The following XKR4 variants were observed in gnomAD, a reference collection of about 807,000 sequenced individuals.
XKR4 encodes XK related 4.
A neutral mutation model predicts 53.9 loss-of-function variants in XKR4; 12 were observed. The observed-to-expected ratio is 0.22, with a 90% confidence interval of 0.14 to 0.36. The LOEUF is 0.36. XKR4 is among the 10% of genes least tolerant of loss of function. The probability of loss-of-function intolerance (pLI) is 1.00; values close to 1 mark genes in which losing one functional copy is unlikely to be tolerated. For missense variants in XKR4, 799 were observed against 859.5 expected (o/e 0.93, Z 0.88); for synonymous variants, 354 against 362.4 (o/e 0.98, Z 0.26).
intron 2 of XKR4, among the ~76,000 whole-genome samples, chr8:55,379,497 T>A (rs913415960): frequency 3.9e-5 from 6 of 152,260 alleles, no homozygotes; most frequent in African/African-American, 1.4e-4. Flanking sequence ...GCAGAATGCC[T>A]ACTGTGGGCA....
At chr8:55,486,799 AC>A (rs1300567486) in intron 2 of XKR4, among the ~76,000 whole-genome samples, 2 of 152,186 alleles carry the variant, frequency 1.3e-5, no homozygotes, top group Non-Finnish European at 2.9e-5. Flanking sequence ...TAGCTTTTAA[AC>A]TTTTATCTTT....
chr8:55,382,126 A>T (rs1476584512), intron 2 of XKR4, among the ~76,000 whole-genome samples: 2 of 152,194 alleles, frequency 1.3e-5, no homozygotes, highest in East Asian at 1.9e-4. Context: ...CCTTTGTCAA[A>T]TTTTCCCATT....
intron 1 of XKR4, among the ~76,000 whole-genome samples, chr8:55,142,949 C>T (rs999079599): frequency 6.6e-6 from 1 of 152,194 alleles, no homozygotes; most frequent in African/African-American, 2.4e-5. Flanking sequence ...TTGTGGGTGA[C>T]CATGAGCATG....
rs574692308 is a variant in XKR4, at chr8:55,455,092, G to T, written c.1007-68189G>T. On this transcript the variant is annotated intron_variant, in intron 2 of 2. Coordinates refer to ENST00000327381, the MANE Select transcript of XKR4 (RefSeq NM_052898.2). ...CCTGGCCTTTCCCACTCCCGCGCGG[G>T]TGCGGCCTGAATGCCACCAGCAGGA... 2.7e-4 allele frequency: 184 copies of T among 673,942 alleles called. 1 individual carries two copies. In the African/African-American group the frequency reaches 2.8e-3, roughly 10 times the overall value. The allele number at this position is 673,942 out of a possible 1,614,324, so 41.7% of individuals were successfully genotyped here. A position where few individuals can be genotyped will look rare whatever the true frequency, so the allele number is the denominator to read the frequency against.
chr8:55,487,359 A>G (rs1716588496), intron 2 of XKR4, among the ~76,000 whole-genome samples: 1 of 152,188 alleles, frequency 6.6e-6, no homozygotes, highest in Admixed American at 6.5e-5. Context: ...AATTCAGGGC[A>G]GGTCTTTCTC....
chr8:55,111,305 A>G (rs554178805), intron 1 of XKR4, among the ~76,000 whole-genome samples: 7 of 152,236 alleles, frequency 4.6e-5, no homozygotes, highest in Non-Finnish European at 7.4e-5. Flanking sequence ...GTTAAAAATA[A>G]TATCCTAGGT....
At chr8:55,283,876 A>G (rs1818872327) in intron 1 of XKR4, among the ~76,000 whole-genome samples, 1 of 152,212 alleles carries the variant, frequency 6.6e-6, no homozygotes, top group Non-Finnish European at 1.5e-5. Context: ...TTACCAAGAA[A>G]GAGCAAGTGG....
chr8:55,453,916 G>A, intron 2 of XKR4: 1 of 631,006 alleles, frequency 1.6e-6, no homozygotes, highest in South Asian at 1.5e-5. Flanking sequence ...CAAAGGCCAT[G>A]CCCTCCAGCA....
In XKR4 at chr8:55,162,804, G is replaced by T. The variant is rs144910436; in HGVS notation, c.806+59510G>T. Among the ~76,000 whole-genome samples the T allele has an allele frequency of 2.1e-3, 320 of 152,094 alleles. 1 individual carries two copies. The highest frequency in any genetic ancestry group is 7.2e-3 in the African/African-American group (299 of 41,498). On this transcript the variant is annotated intron_variant, in intron 1 of 2. Coordinates refer to ENST00000327381, the MANE Select transcript of XKR4 (RefSeq NM_052898.2). ...TTAGAAATGTCCAAAGTCTATGCTA[G>T]GTTCTTTTTTCTAATGAAAAAAACT... is the stretch of plus-strand genomic sequence containing the variant.
chr8:55,306,754 A>G (rs1819306806), intron 1 of XKR4, among the ~76,000 whole-genome samples: 1 of 152,184 alleles, frequency 6.6e-6, no homozygotes, highest in Non-Finnish European at 1.5e-5. Context: ...ATCACATGGT[A>G]TAAAAGGTAA....
intron 1 of XKR4, among the ~76,000 whole-genome samples, chr8:55,309,070 T>C (rs1044982981): frequency 3.3e-5 from 5 of 152,190 alleles, no homozygotes; most frequent in Non-Finnish European, 7.3e-5. Context: ...GGCAAGGGAA[T>C]GGATTCCTCC....
At chr8:55,153,638 A>G (rs1025708068) in intron 1 of XKR4, among the ~76,000 whole-genome samples, 2 of 152,216 alleles carry the variant, frequency 1.3e-5, no homozygotes, top group African/African-American at 2.4e-5. Flanking sequence ...TTCCAATACA[A>G]AAGTAACATG....
intron 1 of XKR4, chr8:55,140,148 TG>T: frequency 2.3e-6 from 1 of 438,012 alleles, no homozygotes; most frequent in South Asian, 1.7e-5. Flanking sequence ...CAGTTATTCC[TG>T]GGTTGGTATC....
chr8:55,493,552 C>T (rs1806300558), intron 2 of XKR4, among the ~76,000 whole-genome samples: 1 of 152,194 alleles, frequency 6.6e-6, no homozygotes. Context: ...GCCACAGTGG[C>T]TTAGGGAAGA....
chr8:55,405,433 C>A (rs993926528), intron 2 of XKR4, among the ~76,000 whole-genome samples: 1 of 152,214 alleles, frequency 6.6e-6, no homozygotes, highest in Non-Finnish European at 1.5e-5. Context: ...CTTCAAAAGT[C>A]TCATCACCTT....
intron 2 of XKR4, chr8:55,454,153 G>C (rs1233991636): frequency 1.1e-6 from 1 of 937,782 alleles, no homozygotes; most frequent in East Asian, 2.4e-5. Flanking sequence ...CCGGGTCCAG[G>C]ACCATTCTTA....
At chr8:55,494,211 C>G (rs922133893) in intron 2 of XKR4, among the ~76,000 whole-genome samples, 4 of 152,254 alleles carry the variant, frequency 2.6e-5, no homozygotes, top group Admixed American at 2.6e-4. Flanking sequence ...GAGGGCACAG[C>G]TGGACCAGGC....
chr8:55,205,039 A>T (rs942632834), intron 1 of XKR4, among the ~76,000 whole-genome samples: 1 of 152,184 alleles, frequency 6.6e-6, no homozygotes, highest in Non-Finnish European at 1.5e-5. Context: ...AACTGTGAAG[A>T]CAGTTCCCCA....
intron 1 of XKR4, among the ~76,000 whole-genome samples, chr8:55,325,468 G>T (rs902814339): frequency 1.3e-5 from 2 of 152,190 alleles, no homozygotes; most frequent in Middle Eastern, 3.4e-3. Flanking sequence ...TACTGTATTG[G>T]CATGAGCAAA....
Sources: gnomAD v4.1 joint callset for allele counts (sites outside exome capture counted in the v4.1 genomes callset) on GRCh38, gnomAD v4.1.1 for gene constraint, MANE v1.5 for transcripts, NCBI Gene and HGNC (gene_info 2026-07-23, HGNC 2026-07-21) for gene names.